The following ZNF317 variants were observed in gnomAD, a reference collection of about 807,000 sequenced individuals.
ZNF317 encodes the protein KRAB-containing zinc finger protein 317.
Under a neutral mutation model 23.4 loss-of-function variants are expected in ZNF317, and 17 were observed. That is an observed-to-expected ratio of 0.73 (90% confidence interval 0.50 to 1.09). The LOEUF is 1.09. Among genes scored for constraint, ZNF317 ranks in the 50% least tolerant of loss-of-function variants. The pLI is 0.00. For synonymous variants in ZNF317, 317 were observed against 314.9 expected (o/e 1.01, Z -0.07); for missense variants, 679 against 796.7 (o/e 0.85, Z 1.78).
intron 1 of ZNF317, among the ~76,000 whole-genome samples, chr19:9,142,390 C>G (rs2050640262): frequency 6.6e-6 from 1 of 152,124 alleles, no homozygotes; most frequent in African/African-American, 2.4e-5. Context: ...ATGGCACACT[C>G]TAGGCAAGCC....
Position 9,155,895 on chromosome 19 carries a change from C to A in ZNF317, c.-92-30C>A, listed in dbSNP as rs1280493537. 6 of 1,254,318 alleles carry A rather than the reference C, an allele frequency of 4.8e-6. No homozygotes were observed. The East Asian group carries it at 1.2e-4, about 25-fold the overall frequency. The allele number at this position is 1,254,318 out of a possible 1,614,324, so 77.7% of individuals were successfully genotyped here. ...AGCAGGAGAGACAGATAGCCTTTCA[C>A]TACTCCCGATGTTCTTTCATTTGCT... On this transcript the variant is annotated intron_variant, in intron 1 of 6. Coordinates refer to ENST00000247956, the MANE Select transcript of ZNF317 (RefSeq NM_020933.5).
At chr19:9,152,392 C>A (rs1287279840) in intron 1 of ZNF317, among the ~76,000 whole-genome samples, 1 of 152,126 alleles carries the variant, frequency 6.6e-6, no homozygotes, top group African/African-American at 2.4e-5. Flanking sequence ...GGAACAAGGC[C>A]CTGCCGCAGG....
At chr19:9,154,608 T>A (rs967124922) in intron 1 of ZNF317, among the ~76,000 whole-genome samples, 2 of 152,234 alleles carry the variant, frequency 1.3e-5, no homozygotes, top group African/African-American at 4.8e-5. Flanking sequence ...AATTTGTATA[T>A]CCATTCTCTG....
chr19:9,157,851 T>C (rs778599687), intron 4 of ZNF317, 129 bp from the exon 5 acceptor site: 6 of 1,406,382 alleles, frequency 4.3e-6, no homozygotes, highest in Non-Finnish European at 5.6e-6. Context: ...GGCACCACCA[T>C]TTTGCTGCTC....
rs1460350411 is a variant in ZNF317, at chr19:9,157,378, C to T, written c.273C>T (p.Ser91=). 1.2e-6 allele frequency: 2 copies of T among 1,614,070 alleles called. No homozygotes were observed. Among genetic ancestry groups the T allele is most frequent in the Admixed American group, 3.3e-5 (2 of 60,020 alleles). Residue 91 remains serine (S), a synonymous_variant, in exon 4 of 7, where the codon AGC becomes AGT. Coordinates refer to ENST00000247956, the MANE Select transcript of ZNF317 (RefSeq NM_020933.5). ...AAGATGTAATGCTGGAGAACTACAG[C>T]AACCTCACTTCACTGGGTAAGGCCA... ...LYKDVMLENY[S]NLTSLGYQVG... is the part of the protein sequence containing the mutation.
rs1279465989 is a variant in ZNF317, at chr19:9,160,977, A to G, written c.1332A>G (p.Lys444=). The change falls in exon 7 of 7, where the codon AAA becomes AAG. Residue 444 remains lysine (K), a synonymous_variant. Coordinates refer to ENST00000247956, the MANE Select transcript of ZNF317 (RefSeq NM_020933.5). This position sits in a 1 kb window ranked among gnomAD's most constrained non-coding sequence, Gnocchi z 6.8. The part of the protein sequence containing the change: ...KTHMNSHTGE[K]PYGCDLCGKA... ...ACATGAACTCTCACACTGGAGAGAAACCATACGGGTGCGATCTCTGCGGGA... is the reference window on the plus strand; with the variant it reads ...ACATGAACTCTCACACTGGAGAGAAGCCATACGGGTGCGATCTCTGCGGGA... 6.2e-7 allele frequency: 1 copy of G among 1,614,100 alleles called. No homozygotes were observed. Among genetic ancestry groups the G allele is most frequent in the East Asian group, 2.2e-5 (1 of 44,846 alleles).
rs778037250 is a variant in ZNF317, at chr19:9,156,644, G to A, written c.58G>A (p.Asp20Asn). Residue 20 changes from aspartate to asparagine, a missense_variant, in exon 3 of 7, where the codon GAC becomes AAC. Physicochemically the swap from Asp to Asn is conservative, Grantham distance 23 (BLOSUM62 1). Coordinates refer to ENST00000247956, the MANE Select transcript of ZNF317 (RefSeq NM_020933.5). ...CACCCAGGATTCCACCTGTCTCCAGGACTCAGAATTTCCTGTTTCTTCAAA... is the reference window on the plus strand; with the variant it reads ...CACCCAGGATTCCACCTGTCTCCAGAACTCAGAATTTCCTGTTTCTTCAAA... ...TSTQDSTCLQDSEFPVSSKDH... is the reference protein window; with the variant it reads ...TSTQDSTCLQNSEFPVSSKDH... The A allele has an allele frequency of 6.2e-7, 1 of 1,614,110 alleles. No homozygotes were observed. Among genetic ancestry groups the A allele is most frequent in the East Asian group, 2.2e-5 (1 of 44,858 alleles).
intron 1 of ZNF317, among the ~76,000 whole-genome samples, chr19:9,145,274 T>C (rs1384006326): frequency 6.6e-6 from 1 of 152,084 alleles, no homozygotes; most frequent in Admixed American, 6.5e-5. Context: ...TTTAGGAGCC[T>C]AGAAATGTGA....
At chr19:9,147,670 C>T (rs756542441) in intron 1 of ZNF317, among the ~76,000 whole-genome samples, 12 of 152,088 alleles carry the variant, frequency 7.9e-5, no homozygotes, top group South Asian at 2.1e-4. Flanking sequence ...CATGTAGAAA[C>T]GGGGCAGAAC....
chr19:9,141,003 C>G (rs916675272), intron 1 of ZNF317, among the ~76,000 whole-genome samples: 1 of 152,140 alleles, frequency 6.6e-6, no homozygotes, highest in Non-Finnish European at 1.5e-5. Context: ...CTTATTAGCA[C>G]TTACCTTGAG....
chr19:9,159,552 G>GTT (rs372250094), intron 6 of ZNF317, among the ~76,000 whole-genome samples: 8 of 134,640 alleles, frequency 5.9e-5, no homozygotes, highest in Non-Finnish European at 1.2e-4. Context: ...TTTGTTTTTT[G>GTT]TTTTTTTTTT....
intron 1 of ZNF317, among the ~76,000 whole-genome samples, chr19:9,142,239 G>T (rs2050638744): frequency 6.6e-6 from 1 of 152,206 alleles, no homozygotes; most frequent in Non-Finnish European, 1.5e-5. Context: ...CGTAGACAAG[G>T]AAAATGTGTA....
rs540203801 is a variant in ZNF317, at chr19:9,162,157, T to C, written c.*724T>C. ...TGGCTGTCTAGGCGTCATTTGGCAA[T>C]GTCTAGAGACATTTTTGGTAGTTAG... On this transcript the variant is annotated 3_prime_UTR_variant, in exon 7 of 7. Transcript: ENST00000247956. 1 of 152,242 alleles carries C rather than the reference T, an allele frequency of 6.6e-6. No individual in the cohort carries two copies. Among genetic ancestry groups the C allele is most frequent in the South Asian group, 2.1e-4 (1 of 4,820 alleles). The allele number at this position is 152,242 out of a possible 1,614,324, so 9.4% of individuals were successfully genotyped here. A position where few individuals can be genotyped will look rare whatever the true frequency, so the allele number is the denominator to read the frequency against.
chr19:9,161,122 A>G lies in ZNF317; in HGVS notation c.1477A>G (p.Met493Val). ...TGACTATTTATCCCGGCGGAGGCAC[A>G]TGAGCGTTCACCTTGTAAAGAAACG... ...FGDYLSRRRH[M>V]SVHLVKKRVE... is the part of the protein sequence containing the mutation. Residue 493 changes from methionine (M) to valine (V), a missense_variant, in exon 7 of 7, where the codon ATG becomes GTG. Physicochemically the swap from Met to Val is conservative, Grantham distance 21. Coordinates refer to ENST00000247956, the MANE Select transcript of ZNF317 (RefSeq NM_020933.5). The surrounding 1 kb of genome is among the most constrained non-coding windows in gnomAD (Gnocchi z 4.0). 1.9e-6 allele frequency: 3 copies of G among 1,614,224 alleles called. No individual in the cohort carries two copies. The highest frequency in any genetic ancestry group is 2.5e-6 in the Non-Finnish European group (3 of 1,180,042).
Position 9,160,794 on chromosome 19 carries a change from C to T in ZNF317, c.1149C>T (p.Asn383=), listed in dbSNP as rs2050843340. The change falls in exon 7 of 7, where the codon AAC becomes AAT. Residue 383 remains asparagine (N), a synonymous_variant. Coordinates refer to ENST00000247956, the MANE Select transcript of ZNF317 (RefSeq NM_020933.5). The surrounding 1 kb of genome is among the most constrained non-coding windows in gnomAD (Gnocchi z 6.8). ...WKSNFNLHKK[N]HMVEKTYECK... ...CCAACTTTAATTTGCACAAGAAGAA[C>T]CACATGGTGGAGAAGACCTACGAAT... The T allele has an allele frequency of 6.2e-7, 1 of 1,613,978 alleles. No homozygotes were observed. Among genetic ancestry groups the T allele is most frequent in the South Asian group, 1.1e-5 (1 of 91,090 alleles).
chr19:9,161,708 G>A lies in ZNF317; in HGVS notation c.*275G>A, dbSNP rs771039338. On this transcript the variant is annotated 3_prime_UTR_variant, in exon 7 of 7. Transcript: ENST00000247956. The surrounding 1 kb of genome is among the most constrained non-coding windows in gnomAD (Gnocchi z 4.0). ...ACAAACACAGGAGGACTTAATGGCA[G>A]CTTGGCATTTAATGTCAAAATCCAA... is the stretch of plus-strand genomic sequence containing the variant. The A allele has an allele frequency of 4.1e-5, 16 of 391,776 alleles. No individual in the cohort carries two copies. The highest frequency in any genetic ancestry group is 6.4e-5 in the Non-Finnish European group (14 of 218,414). The allele number at this position is 391,776 out of a possible 1,614,324, so 24.3% of individuals were successfully genotyped here. A position where few individuals can be genotyped will look rare whatever the true frequency, so the allele number is the denominator to read the frequency against.
At position 9,160,897 on chromosome 19, in the gene ZNF317, G is replaced by T; in HGVS notation, c.1252G>T (p.Val418Leu). 6.2e-7 allele frequency: 1 copy of T among 1,613,974 alleles called. No homozygotes were observed. The highest frequency in any genetic ancestry group is 1.3e-5 in the African/African-American group (1 of 74,984). ...HMRIHIVKKP[V>L]ECRQCGKTFR... ...GAGGATTCACATCGTCAAGAAACCC[G>T]TGGAATGTCGGCAGTGCGGGAAGAC... Residue 418 changes from valine to leucine, a missense_variant, in exon 7 of 7, where the codon GTG (valine) becomes TTG (leucine). Coordinates refer to ENST00000247956, the MANE Select transcript of ZNF317 (RefSeq NM_020933.5). The surrounding 1 kb of genome is among the most constrained non-coding windows in gnomAD (Gnocchi z 6.8).
chr19:9,160,600 T>A lies in ZNF317; in HGVS notation c.955T>A (p.Cys319Ser). ...DQCGKAYGRS[C>S]HLIAHKRTHT... is the part of the protein sequence containing the mutation. ...GTGCGGGAAGGCTTACGGCCGGAGC[T>A]GCCACCTCATCGCACACAAGAGAAC... The change falls in exon 7 of 7, where the codon TGC becomes AGC. Residue 319 changes from cysteine to serine, a missense_variant. Coordinates refer to ENST00000247956, the MANE Select transcript of ZNF317 (RefSeq NM_020933.5). This position sits in a 1 kb window ranked among gnomAD's most constrained non-coding sequence, Gnocchi z 6.8. 1 of 1,614,054 alleles carries A rather than the reference T, an allele frequency of 6.2e-7. No individual in the cohort carries two copies. Among genetic ancestry groups the A allele is most frequent in the Non-Finnish European group, 8.5e-7 (1 of 1,180,028 alleles).
chr19:9,145,728 A>G (rs1016694650), intron 1 of ZNF317, among the ~76,000 whole-genome samples: 12 of 152,106 alleles, frequency 7.9e-5, no homozygotes, highest in Non-Finnish European at 1.0e-4. Flanking sequence ...AAATGGTTCA[A>G]TTCCTTATCT....
Sources: allele counts gnomAD v4.1 joint callset (sites outside exome capture counted in the v4.1 genomes callset), GRCh38; gene constraint gnomAD v4.1.1; non-coding constraint Gnocchi (gnomAD v3.1); transcripts MANE v1.5; gene names NCBI Gene and HGNC (gene_info 2026-07-23, HGNC 2026-07-21).